The following ALDH6A1 variants were observed in gnomAD, a reference collection of about 807,000 sequenced individuals.
The protein encoded by ALDH6A1 is aldehyde dehydrogenase 6 family member A1, also known as methylmalonate-semialdehyde/malonate-semialdehyde dehydrogenase [acylating], mitochondrial.
A neutral mutation model predicts 62.6 loss-of-function variants in ALDH6A1; 43 were observed. That is an observed-to-expected ratio of 0.69 (90% CI 0.54 to 0.89). The LOEUF (loss-of-function observed/expected upper bound fraction) is 0.89. Ranked by LOEUF, ALDH6A1 falls within the 40% of genes least tolerant of loss-of-function variation. The probability of loss-of-function intolerance (pLI) is 0.00; values close to 1 mark genes in which losing one functional copy is unlikely to be tolerated. For missense variants in ALDH6A1, 551 were observed against 661.3 expected (o/e 0.83, Z 1.83); for synonymous variants, 194 against 234.2 (o/e 0.83, Z 1.57).
At position 74,079,262 on chromosome 14, in the gene ALDH6A1, C is replaced by T. The variant is rs530458363; in HGVS notation, c.49-4245G>A. ...GAGGCTGAGGTGGGAAGATCACTTG[C>T]GTTCAGGAATTTGAGACCTGCCTGC... is the stretch of plus-strand genomic sequence containing the variant. On this transcript the variant is annotated intron_variant, in intron 1 of 11. Coordinates refer to ENST00000553458, the MANE Select transcript of ALDH6A1 (RefSeq NM_005589.4). Among the ~76,000 whole-genome samples, 11 of 151,552 alleles carry T rather than the reference C, an allele frequency of 7.3e-5. 1 individual carries two copies. In the South Asian group the frequency reaches 2.3e-3, roughly 31 times the overall value.
In ALDH6A1 at chr14:74,060,705, C is replaced by T. The variant is rs2060319709; in HGVS notation, c.1545G>A (p.Gln515=). The change falls in exon 12 of 12, where the codon CAG becomes CAA. Residue 515 remains glutamine, a synonymous_variant. Transcript: ENST00000553458. ...AAAGAGTAGCATCTTCTTCTTTCCA[C>T]TGAGAAGTAATGGTCTTTAACTGAG... The part of the protein sequence containing the change: ...FYTQLKTITS[Q]WKEEDATLSS... The T allele has an allele frequency of 6.2e-7, 1 of 1,613,800 alleles. No individual in the cohort carries two copies. Among genetic ancestry groups the T allele is most frequent in the Non-Finnish European group, 8.5e-7 (1 of 1,179,760 alleles).
Position 74,072,621 on chromosome 14 carries a change from A to G in ALDH6A1, c.112-10T>C. Reference sequence around the variant, plus strand: ...AGAGCTTTACAGTTGGCTGAAAAAAACAAACAAACAAACAAACAAACAAAA... The same window carrying G: ...AGAGCTTTACAGTTGGCTGAAAAAAGCAAACAAACAAACAAACAAACAAAA... On this transcript the variant is annotated splice_polypyrimidine_tract_variant and intron_variant, in intron 2 of 11. Coordinates refer to ENST00000553458, the MANE Select transcript of ALDH6A1 (RefSeq NM_005589.4). 6.5e-7 allele frequency: 1 copy of G among 1,540,984 alleles called. No individual in the cohort carries two copies.
intron 1 of ALDH6A1, among the ~76,000 whole-genome samples, chr14:74,076,061 T>A (rs1430291354): frequency 6.6e-6 from 1 of 152,184 alleles, no homozygotes; most frequent in Non-Finnish European, 1.5e-5. Context: ...AGTGGTTACC[T>A]AGGGATGACG....
chr14:74,059,602 GGA>G lies in ALDH6A1; in HGVS notation c.*1038_*1039del, dbSNP rs1382762878. The G allele has an allele frequency of 4.0e-6, 1 of 252,834 alleles. No individual in the cohort carries two copies. The highest frequency in any genetic ancestry group is 2.3e-5 in the African/African-American group (1 of 43,308). The allele number at this position is 252,834 out of a possible 1,614,324, so 15.7% of individuals were successfully genotyped here. On this transcript the variant is annotated 3_prime_UTR_variant, in exon 12 of 12. Coordinates refer to ENST00000553458, the MANE Select transcript of ALDH6A1 (RefSeq NM_005589.4). ...CCCAGCTACTAGGGGGGCTGAGGCA[GGA>G]GAATCGCTTGAACCTGGGAGGCGGA...
Position 74,060,040 on chromosome 14 carries a change from TTA to T in ALDH6A1, c.*600_*601del, listed in dbSNP as rs2060305234. On this transcript the variant is annotated 3_prime_UTR_variant, in exon 12 of 12. Coordinates refer to ENST00000553458, the MANE Select transcript of ALDH6A1 (RefSeq NM_005589.4). ...TGCAGGAGGTCTCTCCCAGTGGCAT[TTA>T]GGTAGCGCTATGTTTGAGGATCAAC... is the stretch of plus-strand genomic sequence containing the variant. 2 of 154,754 alleles carry T rather than the reference TTA, an allele frequency of 1.3e-5. No individual in the cohort carries two copies. Among genetic ancestry groups the T allele is most frequent in the Admixed American group, 6.4e-5 (1 of 15,740 alleles). The allele number at this position is 154,754 out of a possible 1,614,324, so 9.6% of individuals were successfully genotyped here.
intron 1 of ALDH6A1, among the ~76,000 whole-genome samples, chr14:74,082,247 G>C (rs2060675750): frequency 6.6e-6 from 1 of 152,106 alleles, no homozygotes; most frequent in Non-Finnish European, 1.5e-5. Context: ...ATATCACAAG[G>C]AGCAGAGAGA....
chr14:74,084,204 G>A (rs1213500095), intron 1 of ALDH6A1, 143 bp downstream of exon 1: 1 of 1,261,166 alleles, frequency 7.9e-7, no homozygotes, highest in East Asian at 2.5e-5. Context: ...CTGGGCATGG[G>A]ACAGGGCCGC....
rs2060474812 is a variant in ALDH6A1 at position 74,066,852 on chromosome 14, G to A, written c.1077C>T (p.Ile359=). Residue 359 remains isoleucine (I), a synonymous_variant, in exon 9 of 12, where the codon ATC becomes ATT. Coordinates refer to ENST00000553458, the MANE Select transcript of ALDH6A1 (RefSeq NM_005589.4). Reference sequence around the variant, plus strand: ...AGACTCGCTCTTTGGCCTGGGGAGTGATCAGAGGGCCAAGATCAGCTCCAG... The same window carrying A: ...AGACTCGCTCTTTGGCCTGGGGAGTAATCAGAGGGCCAAGATCAGCTCCAG... ...DQPGADLGPL[I]TPQAKERVCN... is the part of the protein sequence containing the mutation. The A allele has an allele frequency of 6.2e-7, 1 of 1,613,912 alleles. No individual in the cohort carries two copies. The highest frequency in any genetic ancestry group is 1.7e-5 in the Admixed American group (1 of 59,960).
intron 11 of ALDH6A1, among the ~76,000 whole-genome samples, chr14:74,064,293 G>A (rs1459499203): frequency 2.5e-5 from 3 of 118,492 alleles, no homozygotes; most frequent in African/African-American, 3.7e-5. Context: ...GCGAGACTGT[G>A]TCTCAAAAAA....
chr14:74,072,608 T>A lies in ALDH6A1; in HGVS notation c.115A>T (p.Thr39Ser). 2.5e-6 allele frequency: 4 copies of A among 1,613,190 alleles called. No homozygotes were observed. The highest frequency in any genetic ancestry group is 3.4e-6 in the Non-Finnish European group (4 of 1,180,012). The change falls in exon 3 of 12, where the codon ACT becomes TCT. Residue 39 changes from threonine (T) to serine (S), a missense_variant. By Grantham distance (58) the Thr-to-Ser change is moderately conservative. Coordinates refer to ENST00000553458, the MANE Select transcript of ALDH6A1 (RefSeq NM_005589.4). ...SASSFSSSVPTVKLFIGGKFV... is the reference protein window; with the variant it reads ...SASSFSSSVPSVKLFIGGKFV... ...TTCCCACCAATGAAGAGCTTTACAG[T>A]TGGCTGAAAAAAACAAACAAACAAA...
chr14:74,062,156 C>T (rs1359055509), intron 11 of ALDH6A1, among the ~76,000 whole-genome samples: 1 of 151,046 alleles, frequency 6.6e-6, no homozygotes, highest in Non-Finnish European at 1.5e-5. Flanking sequence ...GAGAATGCAC[C>T]ATTGCACTCC....
rs1420059138 is a variant in ALDH6A1, at chr14:74,068,961, G to A, written c.751C>T (p.His251Tyr). 30 of 1,613,880 alleles carry A rather than the reference G, an allele frequency of 1.9e-5. No homozygotes were observed. Among genetic ancestry groups the A allele is most frequent in the Non-Finnish European group, 2.5e-5 (30 of 1,179,988 alleles). ...AAGCTGATTGCTTTGATGTCCGGAT[G>A]ATCGCAAATAAAATTTACAGCTTTA... ...QHEAVNFICD[H>Y]PDIKAISFVG... Residue 251 changes from histidine to tyrosine, a missense_variant, in exon 7 of 12, where the codon CAT (histidine) becomes TAT (tyrosine). By Grantham distance (83) the His-to-Tyr change is moderately conservative (BLOSUM62 2). Coordinates refer to ENST00000553458, the MANE Select transcript of ALDH6A1 (RefSeq NM_005589.4).
chr14:74,079,214 C>A (rs1019299299), intron 1 of ALDH6A1, among the ~76,000 whole-genome samples: 1 of 151,592 alleles, frequency 6.6e-6, no homozygotes, highest in Non-Finnish European at 1.5e-5. Flanking sequence ...CAGTAGCTCA[C>A]GCCTGTAATC....
intron 6 of ALDH6A1, chr14:74,069,254 C>T: frequency 2.7e-6 from 1 of 373,770 alleles, no homozygotes; most frequent in South Asian, 2.2e-5. Context: ...TAGGCACCCA[C>T]CACCATGCCT....
intron 1 of ALDH6A1, among the ~76,000 whole-genome samples, chr14:74,077,428 A>G (rs1217816126): frequency 1.3e-5 from 2 of 152,194 alleles, no homozygotes; most frequent in African/African-American, 4.8e-5. Context: ...TATTTAGTTC[A>G]TGATTCTGCA....
At chr14:74,060,848 C>A in intron 11 of ALDH6A1, 102 bp from the exon 12 acceptor site, 1 of 819,590 alleles carries the variant, frequency 1.2e-6, no homozygotes, top group East Asian at 2.5e-5. Context: ...ACTCACTTTC[C>A]TAATTGAGAA....
intron 6 of ALDH6A1, among the ~76,000 whole-genome samples, chr14:74,069,696 C>T (rs943292689): frequency 6.6e-5 from 10 of 151,788 alleles, no homozygotes; most frequent in Admixed American, 1.3e-4. Flanking sequence ...GAGGTTGCAG[C>T]GAGCCGAGAT....
intron 6 of ALDH6A1, among the ~76,000 whole-genome samples, chr14:74,069,902 A>T (rs1210395114): frequency 7.2e-6 from 1 of 139,666 alleles, no homozygotes; most frequent in Non-Finnish European, 1.5e-5. Context: ...CCTAGGCTAG[A>T]GTACAGTGGT....
At chr14:74,065,642 T>C in intron 9 of ALDH6A1, 1 of 378,852 alleles carries the variant, frequency 2.6e-6, no homozygotes, top group South Asian at 3.1e-5. Flanking sequence ...ATCAGCTGCC[T>C]TTTTAATACC....
Sources: allele counts gnomAD v4.1 joint callset (sites outside exome capture counted in the v4.1 genomes callset), GRCh38; gene constraint gnomAD v4.1.1; transcripts MANE v1.5; gene names NCBI Gene and HGNC (gene_info 2026-07-23, HGNC 2026-07-21).